The following MYO15A variants were observed in gnomAD, a reference collection of about 807,000 sequenced individuals.
The protein encoded by MYO15A is myosin XVA, also known as unconventional myosin-XV.
A neutral mutation model predicts 394.6 loss-of-function variants in MYO15A; 308 were observed. The observed-to-expected ratio is 0.78, with a 90% confidence interval of 0.71 to 0.86. MYO15A has a LOEUF of 0.86. Among genes scored for constraint, MYO15A ranks in the 40% least tolerant of loss-of-function variants. MYO15A has a pLI of 0.00. For synonymous variants in MYO15A, 1,957 were observed against 2,003.8 expected (o/e 0.98, Z 0.62); for missense variants, 4,606 against 4,799.1 (o/e 0.96, Z 1.19).
Position 18,133,220 on chromosome 17 carries a change from T to G in MYO15A, c.4321-5T>G. ...CCCTGACCCTCAGCCTCTGCCCTCA[T>G]GCAGGGTGGGAACTGTGAGATAGCA... On this transcript the variant is annotated splice_polypyrimidine_tract_variant and splice_region_variant and intron_variant, in intron 11 of 65. Coordinates refer to ENST00000647165, the MANE Select transcript of MYO15A (RefSeq NM_016239.4). 1 of 1,613,958 alleles carries G rather than the reference T, an allele frequency of 6.2e-7. No homozygotes were observed.
intron 50 of MYO15A, 193 bp from the exon 51 acceptor site, chr17:18,157,529 G>T: frequency 8.3e-7 from 1 of 1,197,994 alleles, no homozygotes; most frequent in Non-Finnish European, 1.1e-6. Flanking sequence ...TCCCCTTTAT[G>T]GTCCTGTGGC....
At chr17:18,168,380 A>G (rs186806719) in intron 62 of MYO15A, among the ~76,000 whole-genome samples, 1 of 152,198 alleles carries the variant, frequency 6.6e-6, no homozygotes, top group East Asian at 1.9e-4. Context: ...CCTGGCTAAC[A>G]TGGTGAAACT....
At chr17:18,143,420 T>G in intron 25 of MYO15A, 146 bp from the exon 26 acceptor site, 1 of 879,624 alleles carries the variant, frequency 1.1e-6, no homozygotes, top group Non-Finnish European at 1.9e-6. Flanking sequence ...GCCCCACCTG[T>G]GGAGTGGGGC....
At position 18,126,767 on chromosome 17, in the gene MYO15A, A is replaced by C. The variant is rs189308777; in HGVS notation, c.3867-24A>C. 2.0e-3 allele frequency: 3,216 copies of C among 1,613,574 alleles called. 51 individuals are homozygous for C. In the African/African-American group the frequency reaches 0.038, roughly 19 times the overall value. On this transcript the variant is annotated intron_variant, in intron 5 of 65. Transcript: ENST00000647165. The stretch of plus-strand genomic sequence containing the variant: ...GTGTGGGAGCTTAGAGGCAGGGGCC[A>C]GCTCTAATGACCTGTCTCCCCAGGC...
At position 18,142,001 on chromosome 17, in the gene MYO15A, C is replaced by A. The variant is rs370422571; in HGVS notation, c.5650-78C>A. The A allele has an allele frequency of 1.1e-4, 175 of 1,558,986 alleles. No individual in the cohort carries two copies. In the African/African-American group the frequency reaches 1.9e-3, roughly 17 times the overall value. On this transcript the variant is annotated intron_variant, in intron 23 of 65. Transcript: ENST00000647165. ...GGCTGCCCTGCCTATTCTGTCTCCA[C>A]GGACTTCTAGAGAGGGAGGGGCCCT...
intron 60 of MYO15A, chr17:18,164,155 A>G: frequency 4.8e-6 from 2 of 416,300 alleles, no homozygotes; most frequent in Non-Finnish European, 4.5e-6. Flanking sequence ...GGTTTCCATT[A>G]ATAGCGCCGC....
rs181831733 is a variant in MYO15A, at chr17:18,135,909, C to G, written c.4596+85C>G. 4.1e-4 allele frequency: 503 copies of G among 1,225,290 alleles called. 2 individuals are homozygous for G. Among genetic ancestry groups the G allele is most frequent in the Admixed American group, 1.0e-3 (52 of 50,858 alleles). The allele number at this position is 1,225,290 out of a possible 1,614,324, so 75.9% of individuals were successfully genotyped here. On this transcript the variant is annotated intron_variant, in intron 13 of 65. Transcript: ENST00000647165. ...GCTTGTGCCGATCCTTTGTGGGCAG[C>G]CTCTCCCTCTCTCCTGCTCTCTCTG... is the stretch of plus-strand genomic sequence containing the variant.
rs1372572325 is a variant in MYO15A at position 18,157,718 on chromosome 17, C to CT, written c.8789-3dup. ...TTTGCCTCAGACCTTTTACCCACCC[C>CT]TAGGCTGGAGGTTCGGGACCATCCA... is the stretch of plus-strand genomic sequence containing the variant. On this transcript the variant is annotated splice_region_variant and splice_polypyrimidine_tract_variant and intron_variant, in intron 50 of 65. Transcript: ENST00000647165. 1.2e-6 allele frequency: 2 copies of CT among 1,605,340 alleles called. No individual in the cohort carries two copies. The highest frequency in any genetic ancestry group is 1.7e-6 in the Non-Finnish European group (2 of 1,179,858).
chr17:18,135,578 T>G (rs1399276734), intron 12 of MYO15A, 133 bp from the exon 13 acceptor site: 2 of 774,442 alleles, frequency 2.6e-6, no homozygotes, highest in African/African-American at 3.5e-5. Flanking sequence ...TGGCCTCAGG[T>G]GATCCACCCG....
At chr17:18,166,571 G>A in intron 61 of MYO15A, 50 bp downstream of exon 61, 1 of 1,603,378 alleles carries the variant, frequency 6.2e-7, no homozygotes, top group Non-Finnish European at 8.5e-7. Context: ...AGGCTCCCCT[G>A]GGCCTGTGAA....
At chr17:18,110,316 C>A (rs1008659097) in intron 1 of MYO15A, 1 of 152,160 alleles carries the variant, frequency 6.6e-6, no homozygotes, top group Non-Finnish European at 1.5e-5. Flanking sequence ...CATGGCAGCC[C>A]GAGCTTCTTT....
intron 64 of MYO15A, among the ~76,000 whole-genome samples, chr17:18,173,222 T>C (rs1261832789): frequency 6.6e-6 from 1 of 152,204 alleles, no homozygotes; most frequent in Non-Finnish European, 1.5e-5. Context: ...CAAGAGCTTC[T>C]TTCTGAGGCA....
In MYO15A at chr17:18,121,703, T is replaced by G. The variant is rs746163015; in HGVS notation, c.2903T>G (p.Leu968Arg). 4 of 1,598,546 alleles carry G rather than the reference T, an allele frequency of 2.5e-6. No homozygotes were observed. The highest frequency in any genetic ancestry group is 1.7e-4 in the Middle Eastern group (1 of 5,982). Residue 968 changes from leucine to arginine, a missense_variant, in exon 2 of 66, where the codon CTG becomes CGG. Transcript: ENST00000647165. The surrounding 1 kb of genome is among the most constrained non-coding windows in gnomAD (Gnocchi z 5.3). ...CCGGAAAACCCCTTTCTCCAGCTCC[T>G]GGGCCCTGTGCCATCCCCCACCCTC... ...PVPENPFLQLLGPVPSPTLQP... is the reference protein window; with the variant it reads ...PVPENPFLQLRGPVPSPTLQP...
At chr17:18,131,212 A>G (rs1185535851) in intron 8 of MYO15A, 27 bp from the exon 9 acceptor site, 1 of 1,605,592 alleles carries the variant, frequency 6.2e-7, no homozygotes, top group Admixed American at 1.7e-5. Flanking sequence ...TAGCCCCTCA[A>G]TTCCCACATC....
rs1168964023 is a variant in MYO15A, at chr17:18,119,142, C to T, written c.342C>T (p.Arg114=). The part of the protein sequence containing the change: ...PSFMVIRFPG[R]RGYGRLRPRA... ...TCATGGTGATCCGCTTCCCAGGCCG[C>T]CGTGGCTACGGCCGCCTGCGGCCGC... The change falls in exon 2 of 66, where the codon CGC becomes CGT. Residue 114 remains arginine, a synonymous_variant. Coordinates refer to ENST00000647165, the MANE Select transcript of MYO15A (RefSeq NM_016239.4). 6.2e-7 allele frequency: 1 copy of T among 1,611,888 alleles called. No homozygotes were observed. The highest frequency in any genetic ancestry group is 1.7e-5 in the Admixed American group (1 of 59,922).
chr17:18,172,586 G>A lies in MYO15A; in HGVS notation c.10350+296G>A, dbSNP rs854799. The A allele has an allele frequency of 0.36, 161,160 of 453,750 alleles. 31,021 individuals carry two copies. Among genetic ancestry groups the A allele is most frequent in the Non-Finnish European group, 0.41 (101,127 of 244,086 alleles). 28.1% of individuals were successfully genotyped at this position (453,750 alleles called of 1,614,324 possible). A position where few individuals can be genotyped will look rare whatever the true frequency, so the allele number is the denominator to read the frequency against. On this transcript the variant is annotated intron_variant, in intron 64 of 65. Transcript: ENST00000647165. ...CTGCCATAATAAAAGACCACAGACT[G>A]AGTAACTTAAACAACAGAAGTTTAT...
In MYO15A at chr17:18,163,729, G is replaced by A. The variant is rs769100405; in HGVS notation, c.9691-13G>A. ...CAACTGGCATGGCCTCATCTCTTCC[G>A]CCCCACCCCCAGGTGGCCCTGGACG... is the stretch of plus-strand genomic sequence containing the variant. On this transcript the variant is annotated splice_polypyrimidine_tract_variant and intron_variant, in intron 59 of 65. Transcript: ENST00000647165. The A allele has an allele frequency of 9.3e-6, 15 of 1,606,996 alleles. No homozygotes were observed. The highest frequency in any genetic ancestry group is 2.2e-5 in the East Asian group (1 of 44,600).
intron 65 of MYO15A, among the ~76,000 whole-genome samples, chr17:18,175,367 T>C (rs973203402): frequency 2.7e-5 from 4 of 150,070 alleles, no homozygotes; most frequent in Admixed American, 6.7e-5. Context: ...CTCAGCTCAC[T>C]GCAACCTCCA....
In MYO15A at chr17:18,150,325, C is replaced by T; in HGVS notation, c.7213-104C>T. On this transcript the variant is annotated intron_variant, in intron 35 of 65. Transcript: ENST00000647165. This position sits in a 1 kb window ranked among gnomAD's most constrained non-coding sequence, Gnocchi z 4.4. ...CACTGAGCCAGTGGGAGGCTGCCCC[C>T]TCCCACGAGAGGGTGGGGAAGAGGC... 9.5e-7 allele frequency: 1 copy of T among 1,047,656 alleles called. No individual in the cohort carries two copies. Among genetic ancestry groups the T allele is most frequent in the Non-Finnish European group, 1.5e-6 (1 of 677,858 alleles). The allele number at this position is 1,047,656 out of a possible 1,614,324, so 64.9% of individuals were successfully genotyped here.
Sources: gnomAD v4.1 joint callset for allele counts (sites outside exome capture counted in the v4.1 genomes callset) on GRCh38, gnomAD v4.1.1 for gene constraint, Gnocchi (gnomAD v3.1) non-coding constraint, MANE v1.5 for transcripts, NCBI Gene and HGNC (gene_info 2026-07-23, HGNC 2026-07-21) for gene names.